Variants in RPTOR observed in about 807,000 individuals in gnomAD.
The protein encoded by RPTOR is regulatory associated protein of MTOR complex 1.
A neutral mutation model predicts 169.9 loss-of-function variants in RPTOR; 21 were observed. That is an observed-to-expected ratio of 0.12 (90% CI 0.09 to 0.18). RPTOR has a LOEUF of 0.18. RPTOR is among the 10% of genes least tolerant of loss of function. RPTOR has a pLI of 1.00. For missense variants in RPTOR, 1,133 were observed against 1,855.9 expected (o/e 0.61, Z 7.16); for synonymous variants, 732 against 753.2 (o/e 0.97, Z 0.46).
At chr17:80,561,880 ATG>A (rs1169646160) in intron 1 of RPTOR, among the ~76,000 whole-genome samples, 7 of 142,682 alleles carry the variant, frequency 4.9e-5, no homozygotes, top group South Asian at 2.1e-4. Context: ...GTATGTGAAT[ATG>A]TGTGTGTGTG....
At chr17:80,719,957 C>T (rs1250226029) in intron 4 of RPTOR, among the ~76,000 whole-genome samples, 2 of 151,984 alleles carry the variant, frequency 1.3e-5, no homozygotes, top group African/African-American at 2.4e-5. Flanking sequence ...TTGTCATTAT[C>T]AAATAGATGC....
chr17:80,669,611 T>A (rs2065806590), intron 3 of RPTOR, among the ~76,000 whole-genome samples: 1 of 152,084 alleles, frequency 6.6e-6, no homozygotes, highest in South Asian at 2.1e-4. Context: ...CTTGAACTCC[T>A]GACCTCAGGT....
intron 21 of RPTOR, among the ~76,000 whole-genome samples, chr17:80,916,645 C>A (rs1383334404): frequency 6.6e-6 from 1 of 152,232 alleles, no homozygotes; most frequent in Non-Finnish European, 1.5e-5. Context: ...AAAGCAATAC[C>A]CCAAGGATCC....
At chr17:80,910,783 G>A (rs994123199) in intron 21 of RPTOR, among the ~76,000 whole-genome samples, 2 of 151,416 alleles carry the variant, frequency 1.3e-5, no homozygotes, top group East Asian at 3.9e-4. Flanking sequence ...TTTTCTGTTG[G>A]TCTAGTTATA....
At chr17:80,618,116 G>A (rs1210991080) in intron 1 of RPTOR, among the ~76,000 whole-genome samples, 1 of 151,980 alleles carries the variant, frequency 6.6e-6, no homozygotes, top group African/African-American at 2.4e-5. Flanking sequence ...GAGTAGCTGG[G>A]ACCATAAGTG....
At chr17:80,735,118 C>T (rs2066424042) in intron 5 of RPTOR, among the ~76,000 whole-genome samples, 2 of 152,220 alleles carry the variant, frequency 1.3e-5, no homozygotes, top group Non-Finnish European at 2.9e-5. Flanking sequence ...CGTAGCACCC[C>T]AGGTGTGGTT....
chr17:80,772,097 A>C (rs952337919), intron 6 of RPTOR, among the ~76,000 whole-genome samples: 4 of 152,196 alleles, frequency 2.6e-5, no homozygotes, highest in African/African-American at 9.7e-5. Context: ...CTGGGATTAC[A>C]GGCCTGACAC....
intron 3 of RPTOR, among the ~76,000 whole-genome samples, chr17:80,704,971 T>C (rs1479724034): frequency 1.3e-5 from 2 of 152,260 alleles, no homozygotes; most frequent in African/African-American, 2.4e-5. Context: ...TGGGTCAGAT[T>C]GGCCACCGCA....
At chr17:80,797,027 C>T (rs542196694) in intron 7 of RPTOR, among the ~76,000 whole-genome samples, 66 of 152,292 alleles carry the variant, frequency 4.3e-4, no homozygotes, top group South Asian at 1.7e-3. Flanking sequence ...GTGACTTCTC[C>T]GCTTAAAAAC....
intron 20 of RPTOR, among the ~76,000 whole-genome samples, chr17:80,903,562 T>C (rs56726375): frequency 9.3e-4 from 141 of 152,330 alleles, no homozygotes; most frequent in African/African-American, 2.9e-3. Flanking sequence ...TTTTTAATGT[T>C]TCTTAAAGAC....
intron 3 of RPTOR, among the ~76,000 whole-genome samples, chr17:80,647,961 C>T (rs185000517): frequency 3.9e-5 from 6 of 152,194 alleles, no homozygotes; most frequent in Middle Eastern, 3.4e-3. Context: ...TTCAGTTCAC[C>T]GTGCTTCTCA....
intron 9 of RPTOR, among the ~76,000 whole-genome samples, chr17:80,831,709 C>T (rs1567936770): frequency 6.6e-6 from 1 of 152,144 alleles, no homozygotes; most frequent in African/African-American, 2.4e-5. Flanking sequence ...CTGTGTGTCA[C>T]TGTGTATCCC....
intron 5 of RPTOR, among the ~76,000 whole-genome samples, chr17:80,735,894 C>T (rs928352532): frequency 3.3e-5 from 5 of 152,040 alleles, no homozygotes; most frequent in East Asian, 1.9e-4. Flanking sequence ...CAGCCCTGGC[C>T]GGTGCGGTGG....
chr17:80,738,952 G>A (rs1567884043), intron 5 of RPTOR, among the ~76,000 whole-genome samples: 1 of 152,172 alleles, frequency 6.6e-6, no homozygotes, highest in Non-Finnish European at 1.5e-5. Context: ...TCATAAAACT[G>A]GGAGCTTTCC....
In RPTOR at chr17:80,939,299, A is replaced by C. The variant is rs141808732; in HGVS notation, c.2920-1197A>C. 3.5e-3 allele frequency among the ~76,000 whole-genome samples: 537 copies of C among 152,144 alleles called. 4 individuals are homozygous for C. Among genetic ancestry groups the C allele is most frequent in the African/African-American group, 0.012 (483 of 41,502 alleles). ...CCTAGTTAGTATTTGCCAAGTGTGG[A>C]CCTCTCCTAGACGCTGAACGTGCAC... On this transcript the variant is annotated intron_variant, in intron 24 of 33. Transcript: ENST00000306801.
At chr17:80,630,757 C>T (rs144383391) in intron 2 of RPTOR, among the ~76,000 whole-genome samples, 30 of 152,374 alleles carry the variant, frequency 2.0e-4, no homozygotes, top group African/African-American at 6.5e-4. Context: ...AGGGTGGGTA[C>T]AGGCAGGCCA....
At chr17:80,702,895 T>C (rs1464402103) in intron 3 of RPTOR, among the ~76,000 whole-genome samples, 3 of 152,186 alleles carry the variant, frequency 2.0e-5, no homozygotes, top group Non-Finnish European at 4.4e-5. Context: ...CCTAGTTCGA[T>C]AGCTGTGTTG....
chr17:80,733,498 C>G (rs1488515276), intron 5 of RPTOR, among the ~76,000 whole-genome samples: 1 of 152,186 alleles, frequency 6.6e-6, no homozygotes, highest in Non-Finnish European at 1.5e-5. Flanking sequence ...TCCCCTGTTT[C>G]CATTTCTAGT....
At chr17:80,761,700 G>A (rs1050214762) in intron 6 of RPTOR, among the ~76,000 whole-genome samples, 4 of 152,140 alleles carry the variant, frequency 2.6e-5, no homozygotes, top group Admixed American at 2.6e-4. Flanking sequence ...GTTCTCCAAG[G>A]AGTCTTCTAA....
Sources: gnomAD v4.1 joint callset for allele counts (sites outside exome capture counted in the v4.1 genomes callset) on GRCh38, gnomAD v4.1.1 for gene constraint, MANE v1.5 for transcripts, NCBI Gene and HGNC (gene_info 2026-07-23, HGNC 2026-07-21) for gene names.